Variants in EXOC4 observed in about 807,000 individuals in gnomAD.
EXOC4 encodes the protein SEC8-like 1.
A neutral mutation model predicts 107.2 loss-of-function variants in EXOC4; 71 were observed. That is an observed-to-expected ratio of 0.66 (90% confidence interval 0.55 to 0.81). EXOC4 has a LOEUF of 0.81. Among genes scored for constraint, EXOC4 ranks in the 30% least tolerant of loss-of-function variants. The pLI is 0.00. For missense variants in EXOC4, 1,108 were observed against 1,189.6 expected (o/e 0.93, Z 1.01); for synonymous variants, 456 against 441.2 (o/e 1.03, Z -0.42).
chr7:133,827,412 A>T (rs1797727270), intron 11 of EXOC4, among the ~76,000 whole-genome samples: 1 of 152,228 alleles, frequency 6.6e-6, no homozygotes, highest in Admixed American at 6.5e-5. Context: ...GTTCCTAGTT[A>T]ACTAGACTTC....
At chr7:133,512,158 G>C (rs1181587458) in intron 9 of EXOC4, among the ~76,000 whole-genome samples, 1 of 152,164 alleles carries the variant, frequency 6.6e-6, no homozygotes, top group African/African-American at 2.4e-5. Flanking sequence ...GCCCTGGCAT[G>C]GTGGCTCACG....
intron 11 of EXOC4, among the ~76,000 whole-genome samples, chr7:133,869,491 G>A (rs376648684): frequency 1.3e-5 from 2 of 152,110 alleles, no homozygotes; most frequent in Non-Finnish European, 2.9e-5. Flanking sequence ...CATGGAGGAG[G>A]TATTTAATAA....
At chr7:133,301,204 A>G (rs1203739556) in intron 3 of EXOC4, among the ~76,000 whole-genome samples, 1 of 152,210 alleles carries the variant, frequency 6.6e-6, no homozygotes, top group Non-Finnish European at 1.5e-5. Flanking sequence ...CCAGCAGTGC[A>G]GGGGCAGGCA....
At chr7:133,701,998 T>TGTC (rs2151087738) in intron 10 of EXOC4, among the ~76,000 whole-genome samples, 1 of 4,054 alleles carries the variant, frequency 2.5e-4, no homozygotes, top group South Asian at 0.017. Context: ...TCTTTCTTTC[T>TGTC]TTTTTTTTTT....
At chr7:133,418,989 T>G (rs1263750243) in intron 7 of EXOC4, among the ~76,000 whole-genome samples, 2 of 152,232 alleles carry the variant, frequency 1.3e-5, no homozygotes, top group African/African-American at 4.8e-5. Flanking sequence ...CATCTTTGAC[T>G]ATGTTTCAAA....
intron 13 of EXOC4, among the ~76,000 whole-genome samples, chr7:133,923,611 G>A (rs1312500013): frequency 1.3e-5 from 2 of 152,130 alleles, no homozygotes; most frequent in African/African-American, 2.4e-5. Flanking sequence ...TAGCTTGTCT[G>A]TCTGTAGCGA....
chr7:133,396,252 G>A (rs1796968853), intron 7 of EXOC4: 1 of 152,162 alleles, frequency 6.6e-6, no homozygotes, highest in Non-Finnish European at 1.5e-5. Context: ...AAACGCTAGT[G>A]TTATTTCAAG....
chr7:133,418,838 C>A (rs1294052108), intron 7 of EXOC4, among the ~76,000 whole-genome samples: 1 of 152,102 alleles, frequency 6.6e-6, no homozygotes, highest in African/African-American at 2.4e-5. Context: ...TTATAGCGAA[C>A]TTCTATGTAG....
intron 9 of EXOC4, among the ~76,000 whole-genome samples, chr7:133,620,783 A>G (rs1210516957): frequency 6.6e-6 from 1 of 152,234 alleles, no homozygotes; most frequent in Non-Finnish European, 1.5e-5. Flanking sequence ...ACTAAAACAT[A>G]TTTAATAGAT....
chr7:133,588,982 G>A (rs961804587), intron 9 of EXOC4, among the ~76,000 whole-genome samples: 2 of 151,934 alleles, frequency 1.3e-5, no homozygotes, highest in African/African-American at 4.8e-5. Flanking sequence ...GTGTGTATGT[G>A]TATACACACA....
chr7:133,903,337 G>A (rs1197596733), intron 12 of EXOC4, among the ~76,000 whole-genome samples: 1 of 152,176 alleles, frequency 6.6e-6, no homozygotes, highest in African/African-American at 2.4e-5. Flanking sequence ...AGTCAAGGAT[G>A]GAAGCAGTGA....
intron 7 of EXOC4, among the ~76,000 whole-genome samples, chr7:133,383,036 C>G (rs1453438145): frequency 6.6e-6 from 1 of 152,148 alleles, no homozygotes; most frequent in Non-Finnish European, 1.5e-5. Flanking sequence ...CTTTTTGAAA[C>G]TGTGATAATA....
At chr7:133,680,491 G>A (rs1288222150) in intron 10 of EXOC4, among the ~76,000 whole-genome samples, 1 of 152,122 alleles carries the variant, frequency 6.6e-6, no homozygotes, top group Admixed American at 6.6e-5. Flanking sequence ...TGACACGACA[G>A]GACGTAAAAT....
intron 9 of EXOC4, among the ~76,000 whole-genome samples, chr7:133,571,261 A>G (rs1801017480): frequency 6.6e-6 from 1 of 152,224 alleles, no homozygotes; most frequent in African/African-American, 2.4e-5. Context: ...TTGTCTGATC[A>G]AATGACATCA....
chr7:133,545,688 C>T (rs992879009), intron 9 of EXOC4, among the ~76,000 whole-genome samples: 2 of 152,164 alleles, frequency 1.3e-5, no homozygotes, highest in African/African-American at 4.8e-5. Flanking sequence ...TCTAGTTTGA[C>T]TACTGTCCCA....
chr7:133,671,540 C>G (rs182162688), intron 10 of EXOC4, among the ~76,000 whole-genome samples: 1 of 152,176 alleles, frequency 6.6e-6, no homozygotes, highest in Non-Finnish European at 1.5e-5. Context: ...GCACTCCAGC[C>G]TGGGCGATAG....
At chr7:133,633,359 A>G (rs1802633996) in intron 10 of EXOC4, among the ~76,000 whole-genome samples, 1 of 152,154 alleles carries the variant, frequency 6.6e-6, no homozygotes, top group Non-Finnish European at 1.5e-5. Context: ...TTCTGTCCCA[A>G]TTTGCCAAAC....
At chr7:133,790,813 A>C (rs1796687356) in intron 10 of EXOC4, among the ~76,000 whole-genome samples, 1 of 152,234 alleles carries the variant, frequency 6.6e-6, no homozygotes, top group African/African-American at 2.4e-5. Flanking sequence ...TTGTCAAATA[A>C]ACAGAGAACA....
chr7:133,273,114 TA>T (rs1793911496), intron 1 of EXOC4, among the ~76,000 whole-genome samples: 1 of 152,242 alleles, frequency 6.6e-6, no homozygotes, highest in Non-Finnish European at 1.5e-5. Flanking sequence ...GGACAGTTGA[TA>T]AATTGAAGGC....
Sources: allele counts gnomAD v4.1 joint callset (sites outside exome capture counted in the v4.1 genomes callset), GRCh38; gene constraint gnomAD v4.1.1; transcripts MANE v1.5; gene names NCBI Gene and HGNC (gene_info 2026-07-23, HGNC 2026-07-21).